Variants in EPS15 observed in about 807,000 individuals in gnomAD.
EPS15 encodes the protein epidermal growth factor receptor substrate 15.
A neutral mutation model predicts 113.8 loss-of-function variants in EPS15; 72 were observed. The observed-to-expected ratio is 0.63, with a 90% CI of 0.52 to 0.77. The LOEUF (loss-of-function observed/expected upper bound fraction) is 0.77. Ranked by LOEUF, EPS15 falls within the 30% of genes least tolerant of loss-of-function variation. The probability of loss-of-function intolerance (pLI) is 0.00; values close to 1 mark genes in which losing one functional copy is unlikely to be tolerated. For missense variants in EPS15, 1,048 were observed against 1,045.8 expected (o/e 1.00, Z -0.03); for synonymous variants, 344 against 363.4 (o/e 0.95, Z 0.61).
intron 14 of EPS15, 23 bp from the exon 15 acceptor site, chr1:51,408,355 A>C: frequency 6.6e-7 from 1 of 1,521,370 alleles, no homozygotes; most frequent in East Asian, 2.3e-5. Flanking sequence ...AGTGAATGAG[A>C]AGAAATGGGG....
chr1:51,480,308 G>A (rs1643996770), intron 2 of EPS15, among the ~76,000 whole-genome samples: 1 of 152,184 alleles, frequency 6.6e-6, no homozygotes, highest in African/African-American at 2.4e-5. Context: ...GGGCAAATAA[G>A]ATTGTCTACA....
At position 51,368,163 on chromosome 1, in the gene EPS15, G is replaced by C. The variant is rs531298463; in HGVS notation, c.2120-2134C>G. Among the ~76,000 whole-genome samples, 21 of 152,018 alleles carry C rather than the reference G, an allele frequency of 1.4e-4. 1 individual carries two copies. In the South Asian group the frequency reaches 3.1e-3, roughly 23 times the overall value. On this transcript the variant is annotated intron_variant, in intron 21 of 24. Transcript: ENST00000371733. ...AATAAAATAAAATAAAAAAAGAAAAGTTATCCTCAAACTATTCTTAGAACA... is the reference window on the plus strand; with the variant it reads ...AATAAAATAAAATAAAAAAAGAAAACTTATCCTCAAACTATTCTTAGAACA...
chr1:51,396,436 G>A (rs969802125), intron 20 of EPS15, among the ~76,000 whole-genome samples: 2 of 152,132 alleles, frequency 1.3e-5, no homozygotes, highest in African/African-American at 4.8e-5. Context: ...TCCAAAGTCT[G>A]AAACCTTTTG....
chr1:51,398,671 A>C (rs985768359), intron 20 of EPS15, among the ~76,000 whole-genome samples: 2 of 152,214 alleles, frequency 1.3e-5, no homozygotes, highest in Admixed American at 1.3e-4. Context: ...ATTTTTCTAA[A>C]ATTCTTTTAA....
chr1:51,516,729 A>T (rs1644724865), intron 1 of EPS15, among the ~76,000 whole-genome samples: 1 of 152,298 alleles, frequency 6.6e-6, no homozygotes, highest in African/African-American at 2.4e-5. Flanking sequence ...GGTACTATAA[A>T]AATATTTGCT....
chr1:51,451,857 A>G (rs969459949), intron 8 of EPS15, among the ~76,000 whole-genome samples: 1 of 152,196 alleles, frequency 6.6e-6, no homozygotes, highest in Non-Finnish European at 1.5e-5. Context: ...GAAAGAGTCC[A>G]GCAACCACGA....
chr1:51,426,837 C>CTATATATA (rs1553124706), intron 12 of EPS15, among the ~76,000 whole-genome samples: 101 of 143,640 alleles, frequency 7.0e-4, no homozygotes, highest in Non-Finnish European at 8.4e-4. Flanking sequence ...CTCTCTCTCT[C>CTATATATA]TATATATATA....
chr1:51,501,211 C>A (rs564574632), intron 1 of EPS15, among the ~76,000 whole-genome samples: 46 of 151,826 alleles, frequency 3.0e-4, no homozygotes, highest in Admixed American at 8.5e-4. Flanking sequence ...AGTGGGAGAC[C>A]AGCCTGGCCA....
At position 51,447,095 on chromosome 1, in the gene EPS15, G is replaced by A. The variant is rs1264336607; in HGVS notation, c.662C>T (p.Ser221Phe). Residue 221 changes from serine to phenylalanine, a missense_variant, in exon 10 of 25, where the codon TCC (serine) becomes TTC (phenylalanine). Coordinates refer to ENST00000371733, the MANE Select transcript of EPS15 (RefSeq NM_001981.3). ...PPSKRKTWVV[S>F]PAEKAKYDEI... ...ATCATATTTAGCTTTTTCTGCAGGG[G>A]ATACAACCCACTACAGGGAGGAAAA... 4.4e-6 allele frequency: 7 copies of A among 1,608,516 alleles called. No individual in the cohort carries two copies. The highest frequency in any genetic ancestry group is 5.1e-6 in the Non-Finnish European group (6 of 1,178,500).
Position 51,409,639 on chromosome 1 carries a change from T to G in EPS15, c.1171A>C (p.Lys391Gln), listed in dbSNP as rs147975741. 2.5e-6 allele frequency: 4 copies of G among 1,613,636 alleles called. No homozygotes were observed. In the Admixed American group the frequency reaches 5.0e-5, roughly 20 times the overall value. The part of the protein sequence containing the change: ...NTNLQKLQAQ[K>Q]QQVQELLDEL... ...TCAAGGAGTTCCTGTACCTGCTGTT[T>G]CTGGGCCTGTAGTTTTTGCAGATTA... Residue 391 changes from lysine (K) to glutamine (Q), a missense_variant, in exon 14 of 25, where the codon AAA (lysine) becomes CAA (glutamine). Coordinates refer to ENST00000371733, the MANE Select transcript of EPS15 (RefSeq NM_001981.3).
chr1:51,402,079 G>A (rs1159775140), intron 18 of EPS15, among the ~76,000 whole-genome samples: 7 of 152,258 alleles, frequency 4.6e-5, no homozygotes, highest in Admixed American at 3.9e-4. Context: ...AGAAGTTGCA[G>A]TGAGCCGAGA....
chr1:51,446,936 AAATC>A lies in EPS15; in HGVS notation c.797+20_797+23del. 1 of 1,551,606 alleles carries A rather than the reference AAATC, an allele frequency of 6.4e-7. No individual in the cohort carries two copies. Among genetic ancestry groups the A allele is most frequent in the Non-Finnish European group, 8.7e-7 (1 of 1,147,464 alleles). On this transcript the variant is annotated intron_variant, in intron 10 of 24. Coordinates refer to ENST00000371733, the MANE Select transcript of EPS15 (RefSeq NM_001981.3). ...ATTGATACAAAACCATATTTTTAAAAAATCAATTCAAATAAAGTCTTACCATATA... is the reference window on the plus strand; with the variant it reads ...ATTGATACAAAACCATATTTTTAAAAAATTCAAATAAAGTCTTACCATATA...
Position 51,402,427 on chromosome 1 carries a change from G to A in EPS15, c.1882+8C>T. On this transcript the variant is annotated splice_region_variant and intron_variant, in intron 18 of 24. Coordinates refer to ENST00000371733, the MANE Select transcript of EPS15 (RefSeq NM_001981.3). ...GTAAATCTATAATATAAAAAAAAGA[G>A]TACTTACTGCCAACAAAAGGATCAG... The A allele has an allele frequency of 6.9e-7, 1 of 1,450,792 alleles. No homozygotes were observed. Among genetic ancestry groups the A allele is most frequent in the Non-Finnish European group, 9.5e-7 (1 of 1,054,912 alleles). The allele number at this position is 1,450,792 out of a possible 1,614,324, so 89.9% of individuals were successfully genotyped here.
intron 8 of EPS15, among the ~76,000 whole-genome samples, chr1:51,455,637 T>C (rs1205829327): frequency 6.6e-6 from 1 of 152,066 alleles, no homozygotes; most frequent in Non-Finnish European, 1.5e-5. Flanking sequence ...AATGTCGCCT[T>C]AATGCTCCAT....
intron 1 of EPS15, among the ~76,000 whole-genome samples, chr1:51,493,764 G>T (rs1467500252): frequency 2.0e-5 from 3 of 150,756 alleles, no homozygotes; most frequent in Non-Finnish European, 4.4e-5. Context: ...GATTACAGGC[G>T]TCACGCCTGG....
rs533362887 is a variant in EPS15 at position 51,441,073 on chromosome 1, T to C, written c.955-641A>G. 1.5e-3 allele frequency among the ~76,000 whole-genome samples: 229 copies of C among 152,236 alleles called. 3 individuals are homozygous for C. The highest frequency in any genetic ancestry group is 2.6e-3 in the Admixed American group (40 of 15,286). ...GAAGGTTACAAAATTGGTCTCTGAA[T>C]GGTCCTTGTATTCAGAAAATCTAGC... On this transcript the variant is annotated intron_variant, in intron 11 of 24. Transcript: ENST00000371733.
At chr1:51,515,667 G>A (rs553780150) in intron 1 of EPS15, among the ~76,000 whole-genome samples, 1 of 152,214 alleles carries the variant, frequency 6.6e-6, no homozygotes, top group Non-Finnish European at 1.5e-5. Context: ...AGATTCAGAG[G>A]CAAAAACCAT....
At chr1:51,498,543 A>C (rs145898288) in intron 1 of EPS15, among the ~76,000 whole-genome samples, 28 of 152,330 alleles carry the variant, frequency 1.8e-4, no homozygotes, top group Middle Eastern at 3.4e-3. Flanking sequence ...TAAGTGTTCT[A>C]AGCACATTTA....
chr1:51,440,088 A>G lies in EPS15; in HGVS notation c.1040+259T>C, dbSNP rs192395835. On this transcript the variant is annotated intron_variant, in intron 12 of 24. Transcript: ENST00000371733. ...GCACGTCATTGTTTATTTGGCAGTG[A>G]CTTTTCAGTGGTACATAAGTAAACA... 1.2e-4 allele frequency among the ~76,000 whole-genome samples: 18 copies of G among 152,164 alleles called. No homozygotes were observed. In the East Asian group the frequency reaches 3.5e-3, roughly 29 times the overall value.
Sources: allele counts gnomAD v4.1 joint callset (sites outside exome capture counted in the v4.1 genomes callset), GRCh38; gene constraint gnomAD v4.1.1; transcripts MANE v1.5; gene names NCBI Gene and HGNC (gene_info 2026-07-23, HGNC 2026-07-21).